PCSK2: variants seen among roughly 807,000 people sequenced by gnomAD.
PCSK2 encodes proprotein convertase subtilisin/kexin type 2, also known as neuroendocrine convertase 2.
PCSK2 carries 14 observed loss-of-function variants against 69.7 expected under a neutral mutation model. The ratio of observed to expected loss-of-function variants is 0.20; its 90% CI spans 0.13 to 0.31. The LOEUF (loss-of-function observed/expected upper bound fraction) is 0.31. Among genes scored for constraint, PCSK2 ranks in the 10% least tolerant of loss-of-function variants. PCSK2 has a pLI of 1.00. For synonymous variants in PCSK2, 307 were observed against 320.7 expected (o/e 0.96, Z 0.46); for missense variants, 544 against 842.5 (o/e 0.65, Z 4.39).
intron 2 of PCSK2, among the ~76,000 whole-genome samples, chr20:17,288,103 T>G (rs560140144): frequency 2.0e-5 from 3 of 152,232 alleles, no homozygotes; most frequent in Admixed American, 2.0e-4. Context: ...CCATTCTAAA[T>G]CCACCTGATC....
At chr20:17,475,625 C>T (rs1005477235) in intron 11 of PCSK2, among the ~76,000 whole-genome samples, 1 of 152,128 alleles carries the variant, frequency 6.6e-6, no homozygotes, top group African/African-American at 2.4e-5. Context: ...CAAGCAATGC[C>T]ATTTTTCTGC....
In PCSK2 at chr20:17,227,162, C is replaced by G; in HGVS notation, c.-144C>G. ...AGAACACACACTGATTCGCTGCTTT[C>G]CAAGACCCTGTTCAGTCTCTTTCTC... On this transcript the variant is annotated 5_prime_UTR_variant, in exon 1 of 12. Transcript: ENST00000262545. 1.6e-6 allele frequency: 1 copy of G among 611,806 alleles called. No individual in the cohort carries two copies. Among genetic ancestry groups the G allele is most frequent in the Non-Finnish European group, 2.8e-6 (1 of 351,206 alleles). 37.9% of individuals were successfully genotyped at this position (611,806 alleles called of 1,614,324 possible). A position where few individuals can be genotyped will look rare whatever the true frequency, so the allele number is the denominator to read the frequency against.
At chr20:17,380,583 A>G (rs2031060944) in intron 5 of PCSK2, among the ~76,000 whole-genome samples, 1 of 152,148 alleles carries the variant, frequency 6.6e-6, no homozygotes, top group African/African-American at 2.4e-5. Flanking sequence ...GGTGATTGTG[A>G]TAATTCAATT....
chr20:17,339,600 A>C (rs1269915542), intron 2 of PCSK2, among the ~76,000 whole-genome samples: 1 of 152,102 alleles, frequency 6.6e-6, no homozygotes, highest in Non-Finnish European at 1.5e-5. Flanking sequence ...TACAGATCTC[A>C]TGTTATTAAT....
chr20:17,273,418 A>G lies in PCSK2; in HGVS notation c.282+13074A>G, dbSNP rs574862940. 1.2e-4 allele frequency among the ~76,000 whole-genome samples: 18 copies of G among 152,288 alleles called. 1 individual carries two copies. The highest frequency in any genetic ancestry group is 9.2e-4 in the Admixed American group (14 of 15,292). ...TAATCCCTATCATGGAATTACAATGAAAGTGCAAATGTCTGCCAATACATG... is the reference window on the plus strand; with the variant it reads ...TAATCCCTATCATGGAATTACAATGGAAGTGCAAATGTCTGCCAATACATG... On this transcript the variant is annotated intron_variant, in intron 2 of 11. Coordinates refer to ENST00000262545, the MANE Select transcript of PCSK2 (RefSeq NM_002594.5).
chr20:17,330,052 C>T (rs998512184), intron 2 of PCSK2, among the ~76,000 whole-genome samples: 2 of 152,094 alleles, frequency 1.3e-5, no homozygotes, highest in African/African-American at 4.8e-5. Flanking sequence ...ATTTATGTAA[C>T]ATAGTATATC....
intron 1 of PCSK2, among the ~76,000 whole-genome samples, chr20:17,259,074 A>T (rs1399232307): frequency 6.6e-6 from 1 of 152,032 alleles, no homozygotes; most frequent in East Asian, 1.9e-4. Context: ...TGATCTAAAA[A>T]TCTCAGATTG....
intron 2 of PCSK2, among the ~76,000 whole-genome samples, chr20:17,290,897 C>T (rs80001271): frequency 0.023 from 3,471 of 152,152 alleles, 151 homozygotes; most frequent in African/African-American, 0.079. Flanking sequence ...CGAGAGGAAA[C>T]GGGGACCAAA....
intron 6 of PCSK2, among the ~76,000 whole-genome samples, chr20:17,418,412 TG>T (rs1252732655): frequency 6.6e-6 from 1 of 152,094 alleles, no homozygotes; most frequent in Non-Finnish European, 1.5e-5. Flanking sequence ...AAAGATAGGC[TG>T]GCGGGGAGGT....
chr20:17,407,181 C>T (rs1216356976), intron 5 of PCSK2, among the ~76,000 whole-genome samples: 2 of 152,154 alleles, frequency 1.3e-5, no homozygotes, highest in Non-Finnish European at 2.9e-5. Context: ...TGATCTGCAA[C>T]ACTATGTCCC....
At chr20:17,460,118 C>T (rs1216662849) in intron 10 of PCSK2, among the ~76,000 whole-genome samples, 1 of 152,162 alleles carries the variant, frequency 6.6e-6, no homozygotes, top group Non-Finnish European at 1.5e-5. Context: ...CTCCTTTGCT[C>T]TGCCACTTTC....
At chr20:17,410,672 T>C (rs2031851683) in intron 6 of PCSK2, among the ~76,000 whole-genome samples, 2 of 152,228 alleles carry the variant, frequency 1.3e-5, no homozygotes, top group African/African-American at 2.4e-5. Context: ...TGAAAACTTT[T>C]GGCATGAAGT....
chr20:17,276,556 A>T lies in PCSK2; in HGVS notation c.282+16212A>T, dbSNP rs75275504. 5.0e-3 allele frequency among the ~76,000 whole-genome samples: 765 copies of T among 152,042 alleles called. 5 individuals carry two copies. Among genetic ancestry groups the T allele is most frequent in the East Asian group, 0.023 (117 of 5,180 alleles). On this transcript the variant is annotated intron_variant, in intron 2 of 11. Coordinates refer to ENST00000262545, the MANE Select transcript of PCSK2 (RefSeq NM_002594.5). ...GGGGCTAGGTTAATATTCAGTGTTC[A>T]TATTATTGTGAGTCCTTAAGTACTA...
rs1055301028 is a variant in PCSK2, at chr20:17,333,929, ATATATATG to A, written c.283-24397_283-24390del. 1.7e-4 allele frequency among the ~76,000 whole-genome samples: 24 copies of A among 140,980 alleles called. 2 individuals are homozygous for A. Among genetic ancestry groups the A allele is most frequent in the Non-Finnish European group, 2.6e-4 (17 of 64,900 alleles). 92.5% of individuals were successfully genotyped at this position (140,980 alleles called of 152,430 possible). A position where few individuals can be genotyped will look rare whatever the true frequency, so the allele number is the denominator to read the frequency against. ...TCACTGCATATATATATATATATAT[ATATATATG>A]GCTTCAAATCTAGATAGTTGTGTAT... On this transcript the variant is annotated intron_variant, in intron 2 of 11. Coordinates refer to ENST00000262545, the MANE Select transcript of PCSK2 (RefSeq NM_002594.5).
At chr20:17,420,608 T>A (rs2032102153) in intron 6 of PCSK2, among the ~76,000 whole-genome samples, 1 of 152,216 alleles carries the variant, frequency 6.6e-6, no homozygotes, top group African/African-American at 2.4e-5. Flanking sequence ...ATAAAGATGG[T>A]AAAAGAAAGA....
At chr20:17,407,227 G>A (rs2031771819) in intron 5 of PCSK2, among the ~76,000 whole-genome samples, 1 of 152,080 alleles carries the variant, frequency 6.6e-6, no homozygotes, top group South Asian at 2.1e-4. Context: ...TCTGAGGTTG[G>A]ACATCCCAGC....
intron 2 of PCSK2, among the ~76,000 whole-genome samples, chr20:17,285,363 T>C (rs143983118): frequency 7.2e-5 from 11 of 152,364 alleles, no homozygotes; most frequent in African/African-American, 2.6e-4. Context: ...TTTATTACCA[T>C]GTCGATTGAT....
chr20:17,404,372 C>A (rs575995701), intron 5 of PCSK2, among the ~76,000 whole-genome samples: 43 of 152,312 alleles, frequency 2.8e-4, no homozygotes, highest in African/African-American at 9.6e-4. Flanking sequence ...AGTGTTCTAA[C>A]CTTGGAAACA....
chr20:17,451,325 G>C (rs1239896424), intron 8 of PCSK2, among the ~76,000 whole-genome samples: 2 of 152,150 alleles, frequency 1.3e-5, no homozygotes, highest in African/African-American at 4.8e-5. Context: ...TTGCTCTTGG[G>C]TCTACAGGTC....
Sources: gnomAD v4.1 joint callset for allele counts (sites outside exome capture counted in the v4.1 genomes callset) on GRCh38, gnomAD v4.1.1 for gene constraint, MANE v1.5 for transcripts, NCBI Gene and HGNC (gene_info 2026-07-23, HGNC 2026-07-21) for gene names.